Variants in TRPM3 observed in about 807,000 individuals in gnomAD.
The protein encoded by TRPM3 is transient receptor potential cation channel subfamily M member 3.
TRPM3 carries 77 observed loss-of-function variants against 181.2 expected under a neutral mutation model. The observed-to-expected ratio is 0.42, with a 90% confidence interval of 0.35 to 0.51. The LOEUF (loss-of-function observed/expected upper bound fraction) is 0.51. TRPM3 is among the 20% of genes least tolerant of loss of function. TRPM3 has a pLI of 0.01. For missense variants in TRPM3, 1,759 were observed against 2,196.7 expected (o/e 0.80, Z 3.98); for synonymous variants, 745 against 796.4 (o/e 0.94, Z 1.09).
chr9:71,053,576 A>G (rs757181618), intron 1 of TRPM3, among the ~76,000 whole-genome samples: 2 of 152,116 alleles, frequency 1.3e-5, no homozygotes, highest in Non-Finnish European at 2.9e-5. Flanking sequence ...TCCACTGCCC[A>G]ATTTTGACAA....
intron 20 of TRPM3, among the ~76,000 whole-genome samples, chr9:70,598,953 A>G (rs1213881795): frequency 6.6e-6 from 1 of 152,228 alleles, no homozygotes; most frequent in African/African-American, 2.4e-5. Flanking sequence ...CAATCCTAGT[A>G]TGCTGCAAAT....
intron 1 of TRPM3, among the ~76,000 whole-genome samples, chr9:71,012,086 G>A (rs947047531): frequency 1.3e-4 from 19 of 151,800 alleles, no homozygotes; most frequent in African/African-American, 4.6e-4. Context: ...GCTGGCCTAT[G>A]TTTTCTTTTA....
intron 6 of TRPM3, among the ~76,000 whole-genome samples, chr9:70,816,258 C>T (rs2092681068): frequency 6.6e-6 from 1 of 152,206 alleles, no homozygotes; most frequent in African/African-American, 2.4e-5. Flanking sequence ...TATTTACTGG[C>T]ATTCCAAAGG....
intron 1 of TRPM3, among the ~76,000 whole-genome samples, chr9:70,902,524 A>AG (rs2096401573): frequency 6.6e-6 from 1 of 152,260 alleles, no homozygotes; most frequent in African/African-American, 2.4e-5. Flanking sequence ...TTGCAATTCT[A>AG]TGAGACAAGT....
chr9:71,046,726 T>A (rs1194254857), intron 1 of TRPM3, among the ~76,000 whole-genome samples: 1 of 152,180 alleles, frequency 6.6e-6, no homozygotes, highest in African/African-American at 2.4e-5. Flanking sequence ...CACAAACCCT[T>A]GAGGCCCTTA....
rs1460771521 is a variant in TRPM3 at position 71,282,416 on chromosome 9, GAAAAAGAAAGAAAA to G, written c.183+164223_183+164236del. The stretch of plus-strand genomic sequence containing the variant: ...AGAAAGAAAGGAAAAGAAAGAAAAA[GAAAAAGAAAGAAAA>G]AAAGAAAGAGAAAATTGTAACTAAA... On this transcript the variant is annotated intron_variant, in intron 1 of 24. Transcript: ENST00000357533. 9.2e-4 allele frequency among the ~76,000 whole-genome samples: 91 copies of G among 98,420 alleles called. 8 individuals carry two copies. The highest frequency in any genetic ancestry group is 6.7e-4 in the Admixed American group (7 of 10,386). The allele number at this position is 98,420 out of a possible 152,430, so 64.6% of individuals were successfully genotyped here. A position where few individuals can be genotyped will look rare whatever the true frequency, so the allele number is the denominator to read the frequency against.
chr9:71,271,627 A>C (rs2083797002), intron 1 of TRPM3, among the ~76,000 whole-genome samples: 1 of 151,510 alleles, frequency 6.6e-6, no homozygotes, highest in Admixed American at 6.6e-5. Flanking sequence ...AAGAAGAAGA[A>C]GAAAAAAAAA....
intron 1 of TRPM3, among the ~76,000 whole-genome samples, chr9:71,310,455 G>T (rs965696581): frequency 5.3e-5 from 8 of 151,972 alleles, no homozygotes; most frequent in African/African-American, 1.9e-4. Flanking sequence ...GTGGTTATTA[G>T]AATAGGAAAA....
In TRPM3 at chr9:71,197,060, C is replaced by T. The variant is rs868022396; in HGVS notation, c.183+249593G>A. Among the ~76,000 whole-genome samples the T allele has an allele frequency of 4.6e-4, 70 of 152,214 alleles. No individual in the cohort carries two copies. In the Middle Eastern group the frequency reaches 0.014, roughly 30 times the overall value. On this transcript the variant is annotated intron_variant, in intron 1 of 24. Transcript: ENST00000357533. ...AAGAGTCCCCAGAGTGTGATGTTCC[C>T]CTTCCTGTGTCCATGTGTTCTCATT...
intron 9 of TRPM3, among the ~76,000 whole-genome samples, chr9:70,668,509 C>CA (rs1254719830): frequency 6.6e-6 from 1 of 150,582 alleles, no homozygotes; most frequent in Admixed American, 6.6e-5. Flanking sequence ...CTAAAAAATA[C>CA]AAAAAATTAG....
At chr9:70,743,833 TA>T (rs1312510632) in intron 8 of TRPM3, among the ~76,000 whole-genome samples, 7 of 152,118 alleles carry the variant, frequency 4.6e-5, no homozygotes, top group East Asian at 1.9e-4. Context: ...AGGAATAAAA[TA>T]ATACAATAAT....
chr9:70,605,891 G>A (rs754360654), intron 19 of TRPM3, among the ~76,000 whole-genome samples: 2 of 152,172 alleles, frequency 1.3e-5, no homozygotes, highest in Non-Finnish European at 2.9e-5. Flanking sequence ...CTTGTCATAT[G>A]TAGGCCTAGT....
At chr9:70,985,171 A>T (rs2097406435) in intron 1 of TRPM3, among the ~76,000 whole-genome samples, 1 of 152,238 alleles carries the variant, frequency 6.6e-6, no homozygotes. Flanking sequence ...TGGAGCCAAT[A>T]TTACACAGTC....
intron 1 of TRPM3, among the ~76,000 whole-genome samples, chr9:70,870,867 C>T (rs545054835): frequency 9.2e-5 from 14 of 152,006 alleles, no homozygotes; most frequent in African/African-American, 3.4e-4. Context: ...ATTCTTTTTG[C>T]TTTTCCATGT....
rs527319458 is a variant in TRPM3 at position 70,796,037 on chromosome 9, A to C, written c.974-11758T>G. Among the ~76,000 whole-genome samples the C allele has an allele frequency of 1.6e-3, 244 of 152,340 alleles. 2 individuals carry two copies. The highest frequency in any genetic ancestry group is 3.0e-3 in the Non-Finnish European group (202 of 68,036). On this transcript the variant is annotated intron_variant, in intron 6 of 25. Transcript: ENST00000677713. ...CTAAGTCTACAAGAAAACTCTCCCAAACAAAGCTCTAGTCTTAGTCTCTGC... is the reference window on the plus strand; with the variant it reads ...CTAAGTCTACAAGAAAACTCTCCCACACAAAGCTCTAGTCTTAGTCTCTGC...
At chr9:71,109,941 T>C (rs1390359168) in intron 1 of TRPM3, among the ~76,000 whole-genome samples, 4 of 152,182 alleles carry the variant, frequency 2.6e-5, no homozygotes, top group East Asian at 1.9e-4. Flanking sequence ...ACCTTTCAAA[T>C]GTTAAGCTTT....
intron 1 of TRPM3, among the ~76,000 whole-genome samples, chr9:71,211,237 T>C (rs1200095245): frequency 2.6e-5 from 4 of 152,230 alleles, no homozygotes; most frequent in African/African-American, 9.6e-5. Context: ...CTCTAAGCCT[T>C]GACTGTTTCT....
intron 1 of TRPM3, among the ~76,000 whole-genome samples, chr9:71,274,167 T>C (rs1185319352): frequency 6.6e-6 from 1 of 152,210 alleles, no homozygotes; most frequent in Non-Finnish European, 1.5e-5. Context: ...GACAAATGTA[T>C]GCCAAACAGA....
In TRPM3 at chr9:70,827,921, G is replaced by C. The variant is rs147361511; in HGVS notation, c.899C>G (p.Thr300Ser). ...SHFILADNGT[T>S]GKYGAEVKLR... is the part of the protein sequence containing the mutation. The stretch of plus-strand genomic sequence containing the variant: ...TTTCACCTCTGCTCCATATTTTCCA[G>C]TGGTCCCGTTGTCAGCCAGAATGAA... Residue 300 changes from threonine to serine, a missense_variant, in exon 6 of 26, where the codon ACT (threonine) becomes AGT (serine). By Grantham distance (58) the Thr-to-Ser change is moderately conservative. Transcript: ENST00000677713. 42 of 1,614,148 alleles carry C rather than the reference G, an allele frequency of 2.6e-5. No homozygotes were observed. The African/African-American group carries it at 4.7e-4, about 18-fold the overall frequency.
Sources: allele counts gnomAD v4.1 joint callset (sites outside exome capture counted in the v4.1 genomes callset), GRCh38; gene constraint gnomAD v4.1.1; transcripts MANE v1.5; gene names NCBI Gene and HGNC (gene_info 2026-07-23, HGNC 2026-07-21).